Variants in MYO1D observed in about 807,000 individuals in gnomAD.
MYO1D encodes the protein unconventional myosin-Id.
A neutral mutation model predicts 122.0 loss-of-function variants in MYO1D; 83 were observed. That is an observed-to-expected ratio of 0.68 (90% CI 0.57 to 0.82). The LOEUF is 0.82. MYO1D is among the 40% of genes least tolerant of loss of function. The pLI, the probability that MYO1D is intolerant of heterozygous loss-of-function variation, is 0.00. For missense variants in MYO1D, 1,157 were observed against 1,269.5 expected (o/e 0.91, Z 1.35); for synonymous variants, 464 against 446.9 (o/e 1.04, Z -0.48).
At chr17:32,740,552 C>T (rs968825951) in intron 13 of MYO1D, among the ~76,000 whole-genome samples, 3 of 152,142 alleles carry the variant, frequency 2.0e-5, no homozygotes, top group Non-Finnish European at 4.4e-5. Flanking sequence ...GATGATAGCT[C>T]ACTGCAGCCT....
chr17:32,849,702 T>C (rs1294997277), intron 1 of MYO1D, among the ~76,000 whole-genome samples: 3 of 151,976 alleles, frequency 2.0e-5, no homozygotes, highest in Middle Eastern at 3.4e-3. Context: ...TTGGGAGATA[T>C]ACCTAATGCT....
chr17:32,675,706 T>C (rs1032201654), intron 16 of MYO1D, among the ~76,000 whole-genome samples: 1 of 152,202 alleles, frequency 6.6e-6, no homozygotes, highest in African/African-American at 2.4e-5. Flanking sequence ...TTAATTTGTA[T>C]GAATTCTTCA....
chr17:32,724,809 T>C (rs1255470715), intron 14 of MYO1D, among the ~76,000 whole-genome samples: 2 of 152,220 alleles, frequency 1.3e-5, no homozygotes, highest in Non-Finnish European at 2.9e-5. Context: ...TTGGAATAGC[T>C]GATTTGGAAT....
At chr17:32,739,498 TG>T (rs1173142607) in intron 13 of MYO1D, among the ~76,000 whole-genome samples, 2 of 65,358 alleles carry the variant, frequency 3.1e-5, no homozygotes. Context: ...TGTCATGGGG[TG>T]GGGGGAGGGG....
intron 1 of MYO1D, among the ~76,000 whole-genome samples, chr17:32,856,162 G>C (rs903455061): frequency 3.3e-5 from 5 of 151,996 alleles, no homozygotes; most frequent in African/African-American, 1.2e-4. Context: ...CACCCTGCCT[G>C]GGAACACAAA....
At chr17:32,810,628 C>G (rs1231515162) in intron 1 of MYO1D, among the ~76,000 whole-genome samples, 1 of 152,120 alleles carries the variant, frequency 6.6e-6, no homozygotes, top group African/African-American at 2.4e-5. Flanking sequence ...AGGCACCCAC[C>G]ACCATGCTCG....
chr17:32,838,875 A>G (rs2090852034), intron 1 of MYO1D, among the ~76,000 whole-genome samples: 1 of 152,190 alleles, frequency 6.6e-6, no homozygotes, highest in African/African-American at 2.4e-5. Context: ...GTTTCCACAT[A>G]AACTTTGAAA....
chr17:32,721,014 T>C lies in MYO1D; in HGVS notation c.1913+9A>G, dbSNP rs1422833930. On this transcript the variant is annotated intron_variant, in intron 15 of 21. Transcript: ENST00000318217. Reference sequence around the variant, plus strand: ...GTGAACTAGGCCTCTCTGACGAGTCTATTCTCACCTGTGAAGAAACTTCTC... The same window carrying C: ...GTGAACTAGGCCTCTCTGACGAGTCCATTCTCACCTGTGAAGAAACTTCTC... 33 of 1,612,220 alleles carry C rather than the reference T, an allele frequency of 2.0e-5. 1 individual carries two copies. The highest frequency in any genetic ancestry group is 2.8e-5 in the Non-Finnish European group (33 of 1,178,900).
intron 10 of MYO1D, among the ~76,000 whole-genome samples, chr17:32,759,427 TTGC>T (rs1436056107): frequency 1.2e-4 from 18 of 152,140 alleles, no homozygotes; most frequent in Non-Finnish European, 5.9e-5. Context: ...AAATATTTTT[TTGC>T]TGCTATTATA....
intron 16 of MYO1D, among the ~76,000 whole-genome samples, chr17:32,698,624 T>C (rs1036426762): frequency 1.3e-5 from 2 of 152,108 alleles, no homozygotes; most frequent in East Asian, 3.9e-4. Flanking sequence ...AATGATTCTA[T>C]TCATACTTTT....
At chr17:32,527,799 A>G (rs1910389427) in intron 21 of MYO1D, among the ~76,000 whole-genome samples, 1 of 152,032 alleles carries the variant, frequency 6.6e-6, no homozygotes, top group Middle Eastern at 3.4e-3. Flanking sequence ...CTCTATAAAA[A>G]TAAAACAAAA....
At chr17:32,828,860 ATAC>A (rs1179790720) in intron 1 of MYO1D, among the ~76,000 whole-genome samples, 5 of 152,192 alleles carry the variant, frequency 3.3e-5, no homozygotes, top group African/African-American at 1.2e-4. Context: ...TGTTGGTGCC[ATAC>A]TACTATACTA....
intron 1 of MYO1D, among the ~76,000 whole-genome samples, chr17:32,793,878 A>C (rs1212832737): frequency 5.3e-5 from 8 of 152,244 alleles, no homozygotes; most frequent in Admixed American, 5.2e-4. Context: ...TGTTACAAGA[A>C]GTGAGATACT....
At chr17:32,840,158 T>G (rs909381420) in intron 1 of MYO1D, among the ~76,000 whole-genome samples, 1 of 152,128 alleles carries the variant, frequency 6.6e-6, no homozygotes, top group African/African-American at 2.4e-5. Context: ...TACAACAGAT[T>G]ATACAGATAA....
In MYO1D at chr17:32,861,633, T is replaced by C. The variant is rs529310509; in HGVS notation, c.95+15145A>G. Among the ~76,000 whole-genome samples the C allele has an allele frequency of 2.2e-4, 33 of 152,236 alleles. No homozygotes were observed. The South Asian group carries it at 2.9e-3, about 13-fold the overall frequency. On this transcript the variant is annotated intron_variant, in intron 1 of 21. Transcript: ENST00000318217. ...AGTGTGGTCCCTGATGAGTGCTCCA[T>C]CTTCACCTGCCCCTACTTTGCCTGC...
chr17:32,777,663 C>G (rs751703719), intron 3 of MYO1D, among the ~76,000 whole-genome samples: 4 of 152,058 alleles, frequency 2.6e-5, no homozygotes, highest in Non-Finnish European at 4.4e-5. Context: ...GAATCCTGTT[C>G]GGCCGGGCGC....
chr17:32,631,863 G>C (rs1335909947), intron 20 of MYO1D, among the ~76,000 whole-genome samples: 1 of 152,124 alleles, frequency 6.6e-6, no homozygotes, highest in East Asian at 1.9e-4. Flanking sequence ...AGGCCTTAGT[G>C]AATATAGGGG....
chr17:32,500,042 TCTC>T (rs1465619118), intron 21 of MYO1D, among the ~76,000 whole-genome samples: 3 of 152,206 alleles, frequency 2.0e-5, no homozygotes, highest in African/African-American at 7.2e-5. Flanking sequence ...CATGTACTGG[TCTC>T]CACTTTCAGA....
chr17:32,555,848 C>T (rs2087063878), intron 21 of MYO1D, among the ~76,000 whole-genome samples: 1 of 152,194 alleles, frequency 6.6e-6, no homozygotes, highest in Admixed American at 6.5e-5. Context: ...AGGGCCTTTG[C>T]ACCAACTATT....
Sources: allele counts gnomAD v4.1 joint callset (sites outside exome capture counted in the v4.1 genomes callset), GRCh38; gene constraint gnomAD v4.1.1; transcripts MANE v1.5; gene names NCBI Gene and HGNC (gene_info 2026-07-23, HGNC 2026-07-21).